PARP3: variants seen among roughly 807,000 people sequenced by gnomAD.
The protein encoded by PARP3 is protein mono-ADP-ribosyltransferase PARP3.
PARP3 carries 46 observed loss-of-function variants against 58.2 expected under a neutral mutation model. That is an observed-to-expected ratio of 0.79 (90% confidence interval 0.62 to 1.01). The LOEUF is 1.01. Ranked by LOEUF, PARP3 falls within the 50% of genes least tolerant of loss-of-function variation. The pLI, the probability that PARP3 is intolerant of heterozygous loss-of-function variation, is 0.00. For synonymous variants in PARP3, 252 were observed against 266.4 expected, an observed-to-expected ratio of 0.95 and a Z score of 0.53; for missense variants, 663 against 683.9, an observed-to-expected ratio of 0.97 and a Z score of 0.34.
In PARP3 at chr3:51,947,817, A is replaced by G; in HGVS notation, c.1354A>G (p.Ile452Val). ...GEVALGREHH[I>V]NTDNPSLKSP... is the part of the protein sequence containing the mutation. ...GGTGGCCCTGGGCAGAGAGCACCAT[A>G]TCAACACGGACAACCCCAGCTTGAA... is the stretch of plus-strand genomic sequence containing the variant. The change falls in exon 10 of 11, where the codon ATC becomes GTC. Residue 452 changes from isoleucine to valine, a missense_variant. Coordinates refer to ENST00000398755, the MANE Select transcript of PARP3 (RefSeq NM_001003931.4). 6.2e-7 allele frequency: 1 copy of G among 1,614,062 alleles called. No homozygotes were observed. The highest frequency in any genetic ancestry group is 8.5e-7 in the Non-Finnish European group (1 of 1,179,982).
rs370829927 is a variant in PARP3, at chr3:51,948,354, G to T, written c.1476G>T (p.Val492=). ...DTELELDGQQ[V]VVPQGQPVPC... ...AGTTGGAGCTGGATGGCCAGCAAGT[G>T]GTGGTGCCCCAGGGCCAGCCTGTGC... The change falls in exon 11 of 11, where the codon GTG becomes GTT. Residue 492 remains valine, a synonymous_variant. Coordinates refer to ENST00000398755, the MANE Select transcript of PARP3 (RefSeq NM_001003931.4). 2.7e-5 allele frequency: 44 copies of T among 1,613,890 alleles called. No individual in the cohort carries two copies. Among genetic ancestry groups the T allele is most frequent in the Non-Finnish European group, 3.2e-5 (38 of 1,179,892 alleles).
At chr3:51,947,991 A>G in intron 10 of PARP3, 96 bp downstream of exon 10, 1 of 1,247,752 alleles carries the variant, frequency 8.0e-7, no homozygotes, top group Non-Finnish European at 1.1e-6. Flanking sequence ...AGGGACAAAA[A>G]GAAGCTTCCC....
Position 51,948,470 on chromosome 3 carries a change from T to C in PARP3, c.1592T>C (p.Val531Ala). The part of the protein sequence containing the change: ...SQCRLRYLLE[V>A]HL The stretch of plus-strand genomic sequence containing the variant: ...TGTCGCCTGCGCTACCTGCTGGAGG[T>C]CCACCTCTGAGTGCCCGCCCTGTCC... The change falls in exon 11 of 11, where the codon GTC (valine) becomes GCC (alanine). Residue 531 changes from valine to alanine, a missense_variant. Physicochemically the swap from Val to Ala is moderately conservative, Grantham distance 64. Coordinates refer to ENST00000398755, the MANE Select transcript of PARP3 (RefSeq NM_001003931.4). 1 of 1,613,908 alleles carries C rather than the reference T, an allele frequency of 6.2e-7. No homozygotes were observed. Among genetic ancestry groups the C allele is most frequent in the South Asian group, 1.1e-5 (1 of 91,076 alleles).
intron 9 of PARP3, 74 bp from the exon 10 acceptor site, chr3:51,947,666 G>A (rs531763663): frequency 1.4e-5 from 21 of 1,513,644 alleles, no homozygotes; most frequent in South Asian, 3.5e-5. Context: ...GAATAACATC[G>A]CAGCAGAGAG....
rs1699668716 is a variant in PARP3, at chr3:51,946,021, C to T, written c.1098+82C>T. On this transcript the variant is annotated intron_variant, in intron 8 of 10. Coordinates refer to ENST00000398755, the MANE Select transcript of PARP3 (RefSeq NM_001003931.4). The surrounding 1 kb of genome is among the most constrained non-coding windows in gnomAD (Gnocchi z 4.6). ...TTGGCTAATCGGTCCCTTAGCAAAT[C>T]GTTTAGCAGCTCTGGTCAGTTTCTG... 12 of 1,393,858 alleles carry T rather than the reference C, an allele frequency of 8.6e-6. No individual in the cohort carries two copies. In the South Asian group the frequency reaches 1.1e-4, roughly 12 times the overall value. 86.3% of individuals were successfully genotyped at this position (1,393,858 alleles called of 1,614,324 possible).
rs1413119327 is a variant in PARP3, at chr3:51,948,694, CCCATGGTAA to C, written c.*218_*226del. 1 of 533,926 alleles carries C rather than the reference CCCATGGTAA, an allele frequency of 1.9e-6. No individual in the cohort carries two copies. The highest frequency in any genetic ancestry group is 1.9e-5 in the African/African-American group (1 of 51,798). 33.1% of individuals were successfully genotyped at this position (533,926 alleles called of 1,614,324 possible). On this transcript the variant is annotated 3_prime_UTR_variant, in exon 11 of 11. Transcript: ENST00000398755. ...ATCTGCCCAGTCCCTCTCCTCCCAG[CCCATGGTAA>C]CCAGCATTTGACTCTTTACTTGTAT...
chr3:51,943,028 T>C, intron 1 of PARP3: 11 of 1,396,064 alleles, frequency 7.9e-6, no homozygotes, highest in South Asian at 3.2e-5. Context: ...TCACTTTCCC[T>C]ACCCCTCAGG....
chr3:51,943,345 C>T lies in PARP3; in HGVS notation c.-2-9C>T, dbSNP rs377666750. Reference sequence around the variant, plus strand: ...GGAGGCCTAAGGGCCTCTCTGTGCCCCAGGACAGCCATGGCTCCAAAGCCG... The same window carrying T: ...GGAGGCCTAAGGGCCTCTCTGTGCCTCAGGACAGCCATGGCTCCAAAGCCG... On this transcript the variant is annotated splice_polypyrimidine_tract_variant and intron_variant, in intron 1 of 10. Coordinates refer to ENST00000398755, the MANE Select transcript of PARP3 (RefSeq NM_001003931.4). The T allele has an allele frequency of 3.7e-5, 58 of 1,560,502 alleles. No individual in the cohort carries two copies. The highest frequency in any genetic ancestry group is 4.7e-5 in the Non-Finnish European group (54 of 1,153,398).
At chr3:51,947,580 G>A in intron 9 of PARP3, 160 bp from the exon 10 acceptor site, 1 of 716,596 alleles carries the variant, frequency 1.4e-6, no homozygotes, top group Non-Finnish European at 2.3e-6. Context: ...AGGTGGGAGG[G>A]AGCAGGCCGG....
chr3:51,948,374 C>T lies in PARP3; in HGVS notation c.1496C>T (p.Pro499Leu), dbSNP rs1270303859. 6.2e-7 allele frequency: 1 copy of T among 1,614,088 alleles called. No individual in the cohort carries two copies. The highest frequency in any genetic ancestry group is 1.3e-5 in the African/African-American group (1 of 75,066). ...GQQVVVPQGQPVPCPEFSSST... is the reference protein window; with the variant it reads ...GQQVVVPQGQLVPCPEFSSST... ...CAAGTGGTGGTGCCCCAGGGCCAGC[C>T]TGTGCCCTGCCCAGAGTTCAGCAGC... The change falls in exon 11 of 11, where the codon CCT (proline) becomes CTT (leucine). Residue 499 changes from proline (P) to leucine (L), a missense_variant. Pro to Leu is a moderately conservative substitution (Grantham distance 98). Around this residue, in one of 3 missense-constraint regions of PARP3, gnomAD observed 88 missense variants for 109.1 expected, o/e 0.81. Transcript: ENST00000398755.
In PARP3 at chr3:51,942,626, C is replaced by A; in HGVS notation, c.-85C>A. The A allele has an allele frequency of 1.1e-6, 1 of 904,730 alleles. No individual in the cohort carries two copies. The highest frequency in any genetic ancestry group is 2.1e-4 in the Middle Eastern group (1 of 4,756). 56.0% of individuals were successfully genotyped at this position (904,730 alleles called of 1,614,324 possible). ...CACGCCTGAGGCTCATGGAGAGTTG[C>A]TAGACCTGGGACTGCCCTGGGAGGC... On this transcript the variant is annotated 5_prime_UTR_variant, in exon 1 of 11. It introduces an in-frame stop codon into an upstream open reading frame of the 5' UTR. Transcript: ENST00000398755.
rs1699672542 is a variant in PARP3, at chr3:51,946,193, C to T, written c.1126C>T (p.Leu376=). The T allele has an allele frequency of 6.2e-7, 1 of 1,608,392 alleles. No individual in the cohort carries two copies. The highest frequency in any genetic ancestry group is 8.5e-7 in the Non-Finnish European group (1 of 1,176,858). ...EEDRFQAHSK[L]GNRKLLWHGT... Reference sequence around the variant, plus strand: ...AGACAGATTCCAGGCCCACTCCAAACTGGGTAATCGGAAGCTGCTGTGGCA... The same window carrying T: ...AGACAGATTCCAGGCCCACTCCAAATTGGGTAATCGGAAGCTGCTGTGGCA... Residue 376 remains leucine (L), a synonymous_variant, in exon 9 of 11, where the codon CTG becomes TTG. Transcript: ENST00000398755. The surrounding 1 kb of genome is among the most constrained non-coding windows in gnomAD (Gnocchi z 4.6).
Position 51,944,386 on chromosome 3 carries a change from G to A in PARP3, c.313-4G>A, listed in dbSNP as rs201915986. 6.2e-7 allele frequency: 1 copy of A among 1,613,634 alleles called. No individual in the cohort carries two copies. The highest frequency in any genetic ancestry group is 1.1e-5 in the South Asian group (1 of 91,056). On this transcript the variant is annotated splice_region_variant and splice_polypyrimidine_tract_variant and intron_variant, in intron 3 of 10. Transcript: ENST00000398755. This position sits in a 1 kb window ranked among gnomAD's most constrained non-coding sequence, Gnocchi z 4.2. Reference sequence around the variant, plus strand: ...GGCATACCCCTGAAGGCTGTCGGTTGCAGGGAGAGGTCGGCCAGTCAAAGA... The same window carrying A: ...GGCATACCCCTGAAGGCTGTCGGTTACAGGGAGAGGTCGGCCAGTCAAAGA...
Position 51,944,736 on chromosome 3 carries a change from C to T in PARP3, c.502-42C>T, listed in dbSNP as rs1699630590. 6.9e-6 allele frequency: 11 copies of T among 1,585,794 alleles called. No individual in the cohort carries two copies. In the East Asian group the frequency reaches 9.1e-5, roughly 13 times the overall value. On this transcript the variant is annotated intron_variant, in intron 4 of 10. Coordinates refer to ENST00000398755, the MANE Select transcript of PARP3 (RefSeq NM_001003931.4). This position sits in a 1 kb window ranked among gnomAD's most constrained non-coding sequence, Gnocchi z 4.2. ...GGCTGGTCTCTGTCTGGTGTCACGC[C>T]CTGCCCCGCTGCTCCTGCCCACATG... is the stretch of plus-strand genomic sequence containing the variant.
At position 51,946,148 on chromosome 3, in the gene PARP3, C is replaced by A; in HGVS notation, c.1099-18C>A. On this transcript the variant is annotated intron_variant, in intron 8 of 10. Transcript: ENST00000398755. This position sits in a 1 kb window ranked among gnomAD's most constrained non-coding sequence, Gnocchi z 4.6. ...CTCGGGTGGCATCACTCCCATTTCT[C>A]ACTTCCTCTCCACTCAGGAAGACAG... 6.4e-7 allele frequency: 1 copy of A among 1,574,590 alleles called. No homozygotes were observed.
In PARP3 at chr3:51,944,324, C is replaced by A; in HGVS notation, c.313-66C>A. ...CTGTCCCAGGGCACTCAGCACAGGG[C>A]CTGGCCCGACACACAGGCCAGCAAA... On this transcript the variant is annotated intron_variant, in intron 3 of 10. Coordinates refer to ENST00000398755, the MANE Select transcript of PARP3 (RefSeq NM_001003931.4). The surrounding 1 kb of genome is among the most constrained non-coding windows in gnomAD (Gnocchi z 4.2). 6.2e-7 allele frequency: 1 copy of A among 1,604,414 alleles called. No homozygotes were observed. Among genetic ancestry groups the A allele is most frequent in the Non-Finnish European group, 8.5e-7 (1 of 1,173,472 alleles).
At position 51,945,885 on chromosome 3, in the gene PARP3, C is replaced by T; in HGVS notation, c.1044C>T (p.Ser348=). 3.1e-6 allele frequency: 5 copies of T among 1,614,098 alleles called. No individual in the cohort carries two copies. Among genetic ancestry groups the T allele is most frequent in the Non-Finnish European group, 4.2e-6 (5 of 1,180,000 alleles). ...VIQTYLEQTG[S]NHRCPTLQHI... ...AGACCTACTTAGAACAGACTGGCAG[C>T]AACCACAGGTGCCCTACACTTCAAC... The change falls in exon 8 of 11, where the codon AGC becomes AGT. Residue 348 remains serine, a synonymous_variant. Transcript: ENST00000398755.
At position 51,942,515 on chromosome 3, in the gene PARP3, C is replaced by T. The variant is rs1414919034; in HGVS notation, c.-196C>T. ...GCCTGCCCCAGCCTCTGCTTCACCC[C>T]ACTGGTGGCCAAATAGCCGATGTCT... On this transcript the variant is annotated 5_prime_UTR_variant, in exon 1 of 11. Coordinates refer to ENST00000398755, the MANE Select transcript of PARP3 (RefSeq NM_001003931.4). The T allele has an allele frequency of 2.9e-6, 2 of 692,778 alleles. No individual in the cohort carries two copies. Among genetic ancestry groups the T allele is most frequent in the South Asian group, 3.2e-5 (2 of 63,294 alleles). 42.9% of individuals were successfully genotyped at this position (692,778 alleles called of 1,614,324 possible).
In PARP3 at chr3:51,942,401, A is replaced by G. The variant is rs913334955; in HGVS notation, c.-310A>G. 1.8e-6 allele frequency: 1 copy of G among 555,672 alleles called. No individual in the cohort carries two copies. Among genetic ancestry groups the G allele is most frequent in the Admixed American group, 3.0e-5 (1 of 33,004 alleles). The allele number at this position is 555,672 out of a possible 1,614,324, so 34.4% of individuals were successfully genotyped here. ...CAGATGCGTGCTGCAGGCCCCGGCC[A>G]CATGAGCAGCGCTACGGACGCGACT... On this transcript the variant is annotated 5_prime_UTR_variant, in exon 1 of 11. Transcript: ENST00000398755.
Sources: gnomAD v4.1 joint callset for allele counts on GRCh38, gnomAD v4.1.1 for gene constraint, gnomAD v4.1.1 regional missense constraint, Gnocchi (gnomAD v3.1) non-coding constraint, MANE v1.5 for transcripts, NCBI Gene and HGNC (gene_info 2026-07-23, HGNC 2026-07-21) for gene names.